The following CRIM1 variants were observed in gnomAD, a reference collection of about 807,000 sequenced individuals.
The protein encoded by CRIM1 is cysteine rich transmembrane BMP regulator 1.
CRIM1 carries 32 observed loss-of-function variants against 116.4 expected under a neutral mutation model. That is an observed-to-expected ratio of 0.27 (90% CI 0.21 to 0.37). The LOEUF is 0.37. CRIM1 is among the 10% of genes least tolerant of loss of function. The pLI is 1.00. For synonymous variants in CRIM1, 590 were observed against 509.2 expected (o/e 1.16, Z -2.13); for missense variants, 1,331 against 1,354.8 (o/e 0.98, Z 0.28).
At chr2:36,487,187 T>C (rs1679886590) in intron 7 of CRIM1, among the ~76,000 whole-genome samples, 1 of 152,172 alleles carries the variant, frequency 6.6e-6, no homozygotes. Context: ...TCTCCTACTG[T>C]TTGCCTCAGT....
chr2:36,390,031 C>G (rs575654836), intron 1 of CRIM1, among the ~76,000 whole-genome samples: 1 of 152,114 alleles, frequency 6.6e-6, no homozygotes, highest in Non-Finnish European at 1.5e-5. Flanking sequence ...GGAAACTTCT[C>G]TCCAACTAGC....
chr2:36,499,377 C>G, intron 8 of CRIM1, 30 bp downstream of exon 8: 2 of 1,607,700 alleles, frequency 1.2e-6, no homozygotes, highest in Non-Finnish European at 1.7e-6. Flanking sequence ...TATGTTTTTT[C>G]TGAGGCCTAA....
chr2:36,544,605 A>C, intron 15 of CRIM1, 107 bp downstream of exon 15: 1 of 1,166,538 alleles, frequency 8.6e-7, no homozygotes. Flanking sequence ...GACTTGCTGA[A>C]GTAAATTCAA....
intron 1 of CRIM1, among the ~76,000 whole-genome samples, chr2:36,361,537 T>C (rs2148277060): frequency 6.6e-6 from 1 of 152,074 alleles, no homozygotes. Context: ...AAGGAGGTAA[T>C]GAGGGGGTGG....
At chr2:36,482,182 G>A (rs576030942) in intron 7 of CRIM1, among the ~76,000 whole-genome samples, 20 of 151,920 alleles carry the variant, frequency 1.3e-4, no homozygotes, top group Non-Finnish European at 2.4e-4. Context: ...CTCATCAAAC[G>A]TTTCAGAAGA....
At chr2:36,400,913 G>T (rs1390166846) in intron 2 of CRIM1, among the ~76,000 whole-genome samples, 4 of 152,124 alleles carry the variant, frequency 2.6e-5, no homozygotes, top group African/African-American at 9.7e-5. Flanking sequence ...GAATAGTCTA[G>T]TTAAAGCCTC....
rs534127971 is a variant in CRIM1, at chr2:36,536,096, A to C, written c.2429-1256A>C. Among the ~76,000 whole-genome samples, 72 of 152,334 alleles carry C rather than the reference A, an allele frequency of 4.7e-4. 2 individuals are homozygous for C. The South Asian group carries it at 0.015, about 32-fold the overall frequency. Reference sequence around the variant, plus strand: ...TTCTGTCTGTGACCTTCCTCTGGAAAAGCTCAGTCTGAAGCACAAACTGGG... The same window carrying C: ...TTCTGTCTGTGACCTTCCTCTGGAACAGCTCAGTCTGAAGCACAAACTGGG... On this transcript the variant is annotated intron_variant, in intron 13 of 16. Coordinates refer to ENST00000280527, the MANE Select transcript of CRIM1 (RefSeq NM_016441.3).
chr2:36,435,174 G>T (rs930784818), intron 2 of CRIM1, among the ~76,000 whole-genome samples: 1 of 152,152 alleles, frequency 6.6e-6, no homozygotes, highest in African/African-American at 2.4e-5. Context: ...TCAGAGGGAG[G>T]TGTCGGAAAA....
At chr2:36,485,666 C>A (rs555606058) in intron 7 of CRIM1, among the ~76,000 whole-genome samples, 4 of 152,092 alleles carry the variant, frequency 2.6e-5, no homozygotes, top group African/African-American at 7.2e-5. Context: ...TTTTGTGGCA[C>A]GGAGTCAAAC....
intron 7 of CRIM1, among the ~76,000 whole-genome samples, chr2:36,480,947 G>C (rs1050852409): frequency 6.6e-6 from 1 of 152,184 alleles, no homozygotes; most frequent in Non-Finnish European, 1.5e-5. Context: ...CGGCCTTACA[G>C]GAAAGGGTGC....
At chr2:36,493,093 A>T (rs1029459837) in intron 7 of CRIM1, among the ~76,000 whole-genome samples, 1 of 152,084 alleles carries the variant, frequency 6.6e-6, no homozygotes, top group African/African-American at 2.4e-5. Context: ...CCACCTGAGT[A>T]TTTTTTCACT....
chr2:36,512,301 C>T lies in CRIM1; in HGVS notation c.1687C>T (p.Arg563Cys), dbSNP rs1664738590. The change falls in exon 10 of 17, where the codon CGC (arginine) becomes TGC (cysteine). Residue 563 changes from arginine (R) to cysteine (C), a missense_variant. By Grantham distance (180) the Arg-to-Cys change is radical (BLOSUM62 -3). Transcript: ENST00000280527. ...GAATAAGCACGGCTGTGACATCTGT[C>T]GCTGTAAGAAATGTCCAGAGCTCTC... ...LKNKHGCDIC[R>C]CKKCPELSCS... is the part of the protein sequence containing the mutation. 6.8e-6 allele frequency: 11 copies of T among 1,613,672 alleles called. No individual in the cohort carries two copies. Among genetic ancestry groups the T allele is most frequent in the Non-Finnish European group, 9.3e-6 (11 of 1,179,572 alleles).
intron 13 of CRIM1, among the ~76,000 whole-genome samples, chr2:36,535,771 C>G (rs1666502369): frequency 1.3e-5 from 2 of 152,074 alleles, no homozygotes; most frequent in South Asian, 4.2e-4. Flanking sequence ...TATTGTCTGC[C>G]CTCCTTATCC....
At chr2:36,496,454 A>C (rs939679821) in intron 7 of CRIM1, among the ~76,000 whole-genome samples, 1 of 152,186 alleles carries the variant, frequency 6.6e-6, no homozygotes, top group Non-Finnish European at 1.5e-5. Flanking sequence ...CTTTCATCTA[A>C]TATAGGTCAT....
At chr2:36,524,216 A>G (rs1220727022) in intron 13 of CRIM1, among the ~76,000 whole-genome samples, 2 of 152,102 alleles carry the variant, frequency 1.3e-5, no homozygotes, top group Non-Finnish European at 2.9e-5. Flanking sequence ...GCTTCTCTGT[A>G]CTCTACCCCT....
chr2:36,381,906 G>C (rs920602205), intron 1 of CRIM1, among the ~76,000 whole-genome samples: 2 of 152,206 alleles, frequency 1.3e-5, no homozygotes, highest in Admixed American at 1.3e-4. Flanking sequence ...AGTGAAAGGG[G>C]TGGGTGCACA....
At chr2:36,361,561 G>A (rs757556479) in intron 1 of CRIM1, among the ~76,000 whole-genome samples, 3 of 152,172 alleles carry the variant, frequency 2.0e-5, no homozygotes, top group Admixed American at 6.5e-5. Flanking sequence ...AAAGAATGAC[G>A]AATGGGAGAA....
At chr2:36,419,498 A>G (rs934018312) in intron 2 of CRIM1, among the ~76,000 whole-genome samples, 10 of 152,236 alleles carry the variant, frequency 6.6e-5, no homozygotes, top group African/African-American at 2.2e-4. Context: ...GATATTAGCT[A>G]CTTGTTAATG....
chr2:36,548,345 A>C (rs1360859305), intron 16 of CRIM1, among the ~76,000 whole-genome samples, 180 bp from the exon 17 acceptor site: 1 of 148,516 alleles, frequency 6.7e-6, no homozygotes, highest in Non-Finnish European at 1.5e-5. Context: ...ACAGTTTGTC[A>C]GTGTCCCTCA....
Sources: allele counts gnomAD v4.1 joint callset (sites outside exome capture counted in the v4.1 genomes callset), GRCh38; gene constraint gnomAD v4.1.1; transcripts MANE v1.5; gene names NCBI Gene and HGNC (gene_info 2026-07-23, HGNC 2026-07-21).